NFASC: variants seen among roughly 807,000 people sequenced by gnomAD.
NFASC encodes neurofascin homolog.
Under a neutral mutation model 147.5 loss-of-function variants are expected in NFASC, and 43 were observed. That is an observed-to-expected ratio of 0.29 (90% confidence interval 0.23 to 0.38). NFASC has a LOEUF of 0.38. Ranked by LOEUF, NFASC falls within the 10% of genes least tolerant of loss-of-function variation. The probability of loss-of-function intolerance (pLI) is 1.00; values close to 1 mark genes in which losing one functional copy is unlikely to be tolerated. For synonymous variants in NFASC, 622 were observed against 665.5 expected (o/e 0.93, Z 1.01); for missense variants, 1,320 against 1,689.0 (o/e 0.78, Z 3.83).
intron 27 of NFASC, among the ~76,000 whole-genome samples, chr1:205,003,729 G>A (rs2096049435): frequency 6.6e-6 from 1 of 152,186 alleles, no homozygotes; most frequent in Non-Finnish European, 1.5e-5. Flanking sequence ...ATGAACTTCT[G>A]AATGTTGACT....
intron 1 of NFASC, among the ~76,000 whole-genome samples, chr1:204,881,306 G>A (rs927901220): frequency 3.3e-5 from 5 of 152,248 alleles, no homozygotes; most frequent in African/African-American, 7.2e-5. Context: ...TGGGCATTAA[G>A]TGGCAGGTAG....
rs780201162 is a variant in NFASC at position 204,952,055 on chromosome 1, A to C, written c.154A>C (p.Ile52Leu). Residue 52 changes from isoleucine (I) to leucine (L), a missense_variant, in exon 5 of 30, where the codon ATC (isoleucine) becomes CTC (leucine). Physicochemically the swap from Ile to Leu is conservative, Grantham distance 5. This residue lies in a region of NFASC where 981 missense variants were observed against 1,289.5 expected (regional missense o/e 0.76). Coordinates refer to ENST00000339876, the MANE Select transcript of NFASC (RefSeq NM_001005388.3). ...TITKQSAKDHIVDPRDNILIE... is the reference protein window; with the variant it reads ...TITKQSAKDHLVDPRDNILIE... Reference sequence around the variant, plus strand: ...CACCAAGCAGTCAGCGAAGGATCACATCGTGGACCCCCGTGATAACATCCT... The same window carrying C: ...CACCAAGCAGTCAGCGAAGGATCACCTCGTGGACCCCCGTGATAACATCCT... 1 of 1,614,026 alleles carries C rather than the reference A, an allele frequency of 6.2e-7. No homozygotes were observed. Among genetic ancestry groups the C allele is most frequent in the Non-Finnish European group, 8.5e-7 (1 of 1,180,010 alleles).
At position 204,979,357 on chromosome 1, in the gene NFASC, C is replaced by A. The variant is rs752754278; in HGVS notation, c.1979-5C>A. 1 of 1,612,674 alleles carries A rather than the reference C, an allele frequency of 6.2e-7. No individual in the cohort carries two copies. The highest frequency in any genetic ancestry group is 1.7e-5 in the Admixed American group (1 of 60,012). ...GAAACAGCTCTGTTTTCCTTGCCCA[C>A]TCAGACTACGTCGTCCAGTTTGAAG... is the stretch of plus-strand genomic sequence containing the variant. On this transcript the variant is annotated splice_polypyrimidine_tract_variant and splice_region_variant and intron_variant, in intron 18 of 29. Coordinates refer to ENST00000339876, the MANE Select transcript of NFASC (RefSeq NM_001005388.3). This position sits in a 1 kb window ranked among gnomAD's most constrained non-coding sequence, Gnocchi z 6.0.
intron 20 of NFASC, among the ~76,000 whole-genome samples, chr1:204,981,245 C>T (rs2095504309): frequency 6.6e-6 from 1 of 152,214 alleles, no homozygotes; most frequent in South Asian, 2.1e-4. Flanking sequence ...ATAGCAGGCT[C>T]CAAGAGGACT....
intron 1 of NFASC, among the ~76,000 whole-genome samples, chr1:204,836,167 C>T (rs577522813): frequency 1.0e-3 from 153 of 150,660 alleles, no homozygotes; most frequent in African/African-American, 3.5e-3. Context: ...TCTGTGTGTG[C>T]GTGTGTGTGT....
At chr1:204,897,533 GA>G (rs2083612460) in intron 1 of NFASC, among the ~76,000 whole-genome samples, 1 of 151,864 alleles carries the variant, frequency 6.6e-6, no homozygotes, top group Admixed American at 6.6e-5. Context: ...ATAAGAGCTG[GA>G]ATTTATATCC....
In NFASC at chr1:205,022,468, C is replaced by G. The variant is rs10510; in HGVS notation, c.*5929C>G. ...TTTTTCCCAGCGTCTCCATCCCTTC[C>G]TACATATCCACACACACACAAATTG... On this transcript the variant is annotated 3_prime_UTR_variant, in exon 30 of 30. Coordinates refer to ENST00000339876, the MANE Select transcript of NFASC (RefSeq NM_001005388.3). 50,982 of 152,158 alleles carry G rather than the reference C, an allele frequency of 0.34. 9,578 individuals carry two copies. The highest frequency in any genetic ancestry group is 0.52 in the African/African-American group (21,549 of 41,264). The allele number at this position is 152,158 out of a possible 1,614,324, so 9.4% of individuals were successfully genotyped here.
chr1:204,931,055 C>T (rs1401556051), intron 2 of NFASC, among the ~76,000 whole-genome samples: 2 of 151,870 alleles, frequency 1.3e-5, no homozygotes, highest in African/African-American at 4.8e-5. Flanking sequence ...GCAGGACACA[C>T]ACTGGCTCCT....
intron 1 of NFASC, among the ~76,000 whole-genome samples, chr1:204,912,079 G>A (rs1575367): frequency 0.43 from 65,522 of 151,136 alleles, 14,532 homozygotes; most frequent in Admixed American, 0.54. Flanking sequence ...TCAAAGAAAC[G>A]GCTTGTTGTT....
chr1:204,882,449 G>A (rs1043425753), intron 1 of NFASC, among the ~76,000 whole-genome samples: 7 of 151,652 alleles, frequency 4.6e-5, no homozygotes, highest in African/African-American at 1.5e-4. Context: ...CTCCCAGTTC[G>A]CTCCTTTATT....
At position 204,920,599 on chromosome 1, in the gene NFASC, C is replaced by T. The variant is rs1310148940; in HGVS notation, c.-199-33C>T. ...TTTTTTCTTCCTTTCTTAGAGTAAC[C>T]CTGGGGTTCTCCTTTGTGCTTGCTT... On this transcript the variant is annotated intron_variant, in intron 1 of 29. Coordinates refer to ENST00000339876, the MANE Select transcript of NFASC (RefSeq NM_001005388.3). The T allele has an allele frequency of 4.5e-6, 5 of 1,104,152 alleles. No individual in the cohort carries two copies. The African/African-American group carries it at 8.1e-5, about 18-fold the overall frequency. The allele number at this position is 1,104,152 out of a possible 1,614,324, so 68.4% of individuals were successfully genotyped here. A position where few individuals can be genotyped will look rare whatever the true frequency, so the allele number is the denominator to read the frequency against.
intron 21 of NFASC, among the ~76,000 whole-genome samples, chr1:204,983,527 G>A (rs559115473): frequency 6.6e-6 from 1 of 152,274 alleles, no homozygotes; most frequent in African/African-American, 2.4e-5. Context: ...AGGAGCCATG[G>A]CCTTAGGTAG....
chr1:204,975,227 G>A lies in NFASC; in HGVS notation c.1559-44G>A. On this transcript the variant is annotated intron_variant, in intron 14 of 29. Coordinates refer to ENST00000339876, the MANE Select transcript of NFASC (RefSeq NM_001005388.3). The surrounding 1 kb of genome is among the most constrained non-coding windows in gnomAD (Gnocchi z 4.0). The stretch of plus-strand genomic sequence containing the variant: ...ACTTTGTGGCCGCATGGGGATGCTG[G>A]GCAGAGAACAGGCCAGTGGCGAGTG... The A allele has an allele frequency of 1.3e-6, 2 of 1,566,514 alleles. No individual in the cohort carries two copies. The highest frequency in any genetic ancestry group is 2.3e-5 in the East Asian group (1 of 44,252).
chr1:204,873,898 G>C (rs1379533947), intron 1 of NFASC, among the ~76,000 whole-genome samples: 1 of 152,174 alleles, frequency 6.6e-6, no homozygotes, highest in Non-Finnish European at 1.5e-5. Flanking sequence ...GCAGTGGGGA[G>C]CAGGGCAGCT....
chr1:204,837,633 G>C (rs1027081152), intron 1 of NFASC, among the ~76,000 whole-genome samples: 5 of 152,160 alleles, frequency 3.3e-5, no homozygotes, highest in African/African-American at 1.2e-4. Flanking sequence ...GGGGCAGACG[G>C]GAGTGCTGAA....
chr1:204,952,191 G>A, intron 5 of NFASC, 75 bp downstream of exon 5: 2 of 1,166,700 alleles, frequency 1.7e-6, no homozygotes, highest in Non-Finnish European at 2.5e-6. Flanking sequence ...AGGCAAATGA[G>A]GCAGCAGGAA....
chr1:204,892,475 C>A (rs556264264), intron 1 of NFASC, among the ~76,000 whole-genome samples: 8 of 152,352 alleles, frequency 5.3e-5, no homozygotes, highest in African/African-American at 1.9e-4. Flanking sequence ...GGCCCCAGTA[C>A]AGCTGGATGA....
At chr1:204,918,449 C>T (rs2089759818) in intron 1 of NFASC, among the ~76,000 whole-genome samples, 1 of 152,096 alleles carries the variant, frequency 6.6e-6, no homozygotes, top group African/African-American at 2.4e-5. Flanking sequence ...ACAGGGAAGC[C>T]AAAAGATTGG....
Position 204,954,437 on chromosome 1 carries a change from T to TG in NFASC, c.412+59dup. 4 of 1,555,166 alleles carry TG rather than the reference T, an allele frequency of 2.6e-6. No homozygotes were observed. Among genetic ancestry groups the TG allele is most frequent in the South Asian group, 1.2e-5 (1 of 86,296 alleles). On this transcript the variant is annotated intron_variant, in intron 6 of 29. Coordinates refer to ENST00000339876, the MANE Select transcript of NFASC (RefSeq NM_001005388.3). The surrounding 1 kb of genome is among the most constrained non-coding windows in gnomAD (Gnocchi z 5.7). ...GCCCTGCTCCTGGGTAAATGGAGAG[T>TG]GGGGGGTGTGGAAGGCCATTCCAGA...
Sources: allele counts gnomAD v4.1 joint callset (sites outside exome capture counted in the v4.1 genomes callset), GRCh38; gene constraint gnomAD v4.1.1; regional missense constraint gnomAD v4.1.1; non-coding constraint Gnocchi (gnomAD v3.1); transcripts MANE v1.5; gene names NCBI Gene and HGNC (gene_info 2026-07-23, HGNC 2026-07-21).